The following NELFA variants were observed in gnomAD, a reference collection of about 807,000 sequenced individuals.
The protein encoded by NELFA is negative elongation factor A.
In NELFA, 35 loss-of-function variants were observed where a neutral mutation model predicts 51.8. The observed-to-expected ratio is 0.68, with a 90% CI of 0.52 to 0.90. The LOEUF (loss-of-function observed/expected upper bound fraction) is 0.90, where lower values mean the gene tolerates loss of function less well. Ranked by LOEUF, NELFA falls within the 40% of genes least tolerant of loss-of-function variation. The probability of loss-of-function intolerance (pLI) is 0.00; values close to 1 mark genes in which losing one functional copy is unlikely to be tolerated. For missense variants in NELFA, 658 were observed against 746.4 expected (o/e 0.88, Z 1.38); for synonymous variants, 417 against 338.4 (o/e 1.23, Z -2.55).
chr4:2,008,635 T>G, intron 1 of NELFA, 115 bp downstream of exon 1: 1 of 1,141,450 alleles, frequency 8.8e-7, no homozygotes, highest in Non-Finnish European at 1.2e-6. Flanking sequence ...GTTAACAGTC[T>G]GAAGGGGGAT....
chr4:2,005,647 G>C lies in NELFA; in HGVS notation c.210+3103C>G, dbSNP rs561579376. On this transcript the variant is annotated intron_variant, in intron 1 of 10. Transcript: ENST00000382882. ...GAGGAGGTTGCAGTGAGCTGAGATC[G>C]CGCCACTGCTCTCCAGCCTGGGTGA... Among the ~76,000 whole-genome samples, 48 of 152,216 alleles carry C rather than the reference G, an allele frequency of 3.2e-4. No homozygotes were observed. In the East Asian group the frequency reaches 5.8e-3, roughly 18 times the overall value.
At chr4:2,007,882 C>A (rs917658509) in intron 1 of NELFA, 3 of 444,388 alleles carry the variant, frequency 6.8e-6, no homozygotes, top group East Asian at 7.0e-5. Flanking sequence ...AACCATGGGG[C>A]TTCAATAGTC....
chr4:1,983,303 T>C lies in NELFA; in HGVS notation c.*16A>G, dbSNP rs1440508909. On this transcript the variant is annotated 3_prime_UTR_variant, in exon 11 of 11. Coordinates refer to ENST00000382882, the MANE Select transcript of NELFA (RefSeq NM_005663.5). Reference sequence around the variant, plus strand: ...TGGACCCCCACAAGTGACGGCCAGCTGTGAGGCAGGTGGTTCTAGGACACA... The same window carrying C: ...TGGACCCCCACAAGTGACGGCCAGCCGTGAGGCAGGTGGTTCTAGGACACA... 1 of 1,604,384 alleles carries C rather than the reference T, an allele frequency of 6.2e-7. No individual in the cohort carries two copies. Among genetic ancestry groups the C allele is most frequent in the Non-Finnish European group, 8.5e-7 (1 of 1,172,614 alleles).
intron 1 of NELFA, among the ~76,000 whole-genome samples, chr4:2,002,148 C>T (rs974105710): frequency 3.6e-4 from 54 of 151,968 alleles, no homozygotes; most frequent in African/African-American, 5.5e-4. Context: ...TGCAATGAGC[C>T]AAGATCGCGC....
chr4:1,986,100 G>GC lies in NELFA; in HGVS notation c.835+13dup. 2 of 1,550,358 alleles carry GC rather than the reference G, an allele frequency of 1.3e-6. No individual in the cohort carries two copies. The highest frequency in any genetic ancestry group is 1.7e-6 in the Non-Finnish European group (2 of 1,146,810). ...GACCCCCATTGCCGCCGACACGCAGGCCCCAACCCCCACCGAGAGTCTTCC... is the reference window on the plus strand; with the variant it reads ...GACCCCCATTGCCGCCGACACGCAGGCCCCCAACCCCCACCGAGAGTCTTCC... On this transcript the variant is annotated intron_variant, in intron 6 of 10. Coordinates refer to ENST00000382882, the MANE Select transcript of NELFA (RefSeq NM_005663.5).
intron 1 of NELFA, chr4:2,007,875 C>T (rs938543497): frequency 4.4e-5 from 19 of 433,842 alleles, no homozygotes; most frequent in South Asian, 2.8e-4. Context: ...TTTAAACAAC[C>T]ATGGGGCTTC....
At chr4:2,004,615 G>A (rs1400327682) in intron 1 of NELFA, among the ~76,000 whole-genome samples, 1 of 151,128 alleles carries the variant, frequency 6.6e-6, no homozygotes, top group Non-Finnish European at 1.5e-5. Flanking sequence ...AGCCTCCCAA[G>A]TAGCTGGGAC....
chr4:1,992,424 C>A, intron 1 of NELFA: 1 of 411,174 alleles, frequency 2.4e-6, no homozygotes, highest in South Asian at 1.7e-5. Flanking sequence ...GATCCATCCA[C>A]ACCAGGGCCT....
intron 1 of NELFA, among the ~76,000 whole-genome samples, chr4:2,007,806 T>A (rs914284821): frequency 4.6e-5 from 7 of 152,182 alleles, no homozygotes; most frequent in African/African-American, 1.7e-4. Context: ...ACATGTCATA[T>A]CTCAATCAAA....
intron 1 of NELFA, among the ~76,000 whole-genome samples, chr4:2,005,128 A>G (rs1175244143): frequency 6.9e-6 from 1 of 145,510 alleles, no homozygotes; most frequent in Non-Finnish European, 1.5e-5. Context: ...TTTTAAAAAA[A>G]TTCATGATTA....
In NELFA at chr4:1,983,940, C is replaced by T. The variant is rs778009735; in HGVS notation, c.1210G>A (p.Ala404Thr). The change falls in exon 9 of 11, where the codon GCC (alanine) becomes ACC (threonine). Residue 404 changes from alanine to threonine, a missense_variant. Physicochemically the swap from Ala to Thr is moderately conservative, Grantham distance 58. Coordinates refer to ENST00000382882, the MANE Select transcript of NELFA (RefSeq NM_005663.5). The stretch of plus-strand genomic sequence containing the variant: ...ACCGGGGGTGTCTGAGTGGTAGGGG[C>T]GACAGCCGGAGGTGTGGTGGGTGTC... ...PLTPTTPPAV[A>T]PTTQTPPVAM... 1.4e-5 allele frequency: 23 copies of T among 1,610,102 alleles called. No individual in the cohort carries two copies. In the Middle Eastern group the frequency reaches 6.6e-4, roughly 46 times the overall value.
chr4:1,990,618 G>A, intron 2 of NELFA: 1 of 428,662 alleles, frequency 2.3e-6, no homozygotes. Context: ...GCCCCTGCAG[G>A]AGTGTGCAGC....
intron 1 of NELFA, among the ~76,000 whole-genome samples, chr4:1,996,132 T>A (rs1577623764): frequency 6.6e-6 from 1 of 152,192 alleles, no homozygotes; most frequent in Non-Finnish European, 1.5e-5. Context: ...AAACTGACCA[T>A]ACATTTTGCC....
At chr4:2,002,134 A>C (rs1728596611) in intron 1 of NELFA, among the ~76,000 whole-genome samples, 1 of 151,928 alleles carries the variant, frequency 6.6e-6, no homozygotes, top group South Asian at 2.1e-4. Context: ...CGGGAGGCGG[A>C]GCTTGCAATG....
chr4:1,990,109 C>A, intron 2 of NELFA: 1 of 555,726 alleles, frequency 1.8e-6, no homozygotes. Context: ...AAACTGGAAA[C>A]CTCTGGCACC....
chr4:1,990,965 T>G (rs1203711430), intron 2 of NELFA, among the ~76,000 whole-genome samples: 2 of 152,128 alleles, frequency 1.3e-5, no homozygotes, highest in Non-Finnish European at 2.9e-5. Context: ...CACGCCCACC[T>G]AATTTTTATT....
intron 4 of NELFA, chr4:1,986,679 CG>C (rs1728110960): frequency 2.4e-6 from 1 of 420,264 alleles, no homozygotes; most frequent in Non-Finnish European, 4.4e-6. Flanking sequence ...ACCAGTGTGG[CG>C]GGGGCTGAGC....
In NELFA at chr4:1,989,730, C is replaced by T. The variant is rs2109058419; in HGVS notation, c.522G>A (p.Leu174=). ...CACACTTCTGCAGCAGCTCCGCCCGCAGCGTGGCGCTCTTGGGTTTCCGCT... is the reference window on the plus strand; with the variant it reads ...CACACTTCTGCAGCAGCTCCGCCCGTAGCGTGGCGCTCTTGGGTTTCCGCT... ...QLKRKPKSAT[L]RAELLQKSTE... is the part of the protein sequence containing the mutation. Residue 174 remains leucine, a synonymous_variant, in exon 3 of 11, where the codon CTG becomes CTA. Transcript: ENST00000382882. The surrounding 1 kb of genome is among the most constrained non-coding windows in gnomAD (Gnocchi z 4.8). The T allele has an allele frequency of 6.2e-7, 1 of 1,614,020 alleles. No individual in the cohort carries two copies. Among genetic ancestry groups the T allele is most frequent in the Non-Finnish European group, 8.5e-7 (1 of 1,180,008 alleles).
At chr4:2,003,556 G>T (rs1465170232) in intron 1 of NELFA, among the ~76,000 whole-genome samples, 2 of 152,194 alleles carry the variant, frequency 1.3e-5, no homozygotes. Context: ...CCATAAAAAG[G>T]AATGAGATCC....
Sources: allele counts gnomAD v4.1 joint callset (sites outside exome capture counted in the v4.1 genomes callset), GRCh38; gene constraint gnomAD v4.1.1; non-coding constraint Gnocchi (gnomAD v3.1); transcripts MANE v1.5; gene names NCBI Gene and HGNC (gene_info 2026-07-23, HGNC 2026-07-21).